Variants in MDH1 observed in about 807,000 individuals in gnomAD.
The protein encoded by MDH1 is malate dehydrogenase, cytoplasmic.
MDH1 carries 15 observed loss-of-function variants against 38.7 expected under a neutral mutation model. That is an observed-to-expected ratio of 0.39 (90% CI 0.26 to 0.60). The LOEUF (loss-of-function observed/expected upper bound fraction) is 0.60. Among genes scored for constraint, MDH1 ranks in the 20% least tolerant of loss-of-function variants. The pLI is 0.56. For missense variants in MDH1, 368 were observed against 405.2 expected, an observed-to-expected ratio of 0.91 and a Z score of 0.79; for synonymous variants, 144 against 143.6, an observed-to-expected ratio of 1.00 and a Z score of -0.02.
intron 5 of MDH1, chr2:63,600,120 G>A (rs1368506296): frequency 6.6e-6 from 1 of 151,804 alleles, no homozygotes; most frequent in Non-Finnish European, 1.5e-5. Flanking sequence ...AAAAAAAATT[G>A]TTGTTAACCA....
At chr2:63,605,866 T>G in intron 7 of MDH1, 73 bp from the exon 8 acceptor site, 1 of 1,243,596 alleles carries the variant, frequency 8.0e-7, no homozygotes, top group Non-Finnish European at 1.2e-6. Flanking sequence ...GGTCACCTGG[T>G]TTAATTTTAT....
At position 63,606,189 on chromosome 2, in the gene MDH1, C is replaced by T. The variant is rs569191376; in HGVS notation, c.879+161C>T. On this transcript the variant is annotated intron_variant, in intron 8 of 8. Transcript: ENST00000233114. The stretch of plus-strand genomic sequence containing the variant: ...TTGAGCCCAGGAGTTCAAGACCAGC[C>T]GGGGCAACATAGTGAGACCCCCTCT... Among the ~76,000 whole-genome samples the T allele has an allele frequency of 5.9e-5, 9 of 152,228 alleles. No individual in the cohort carries two copies. In the East Asian group the frequency reaches 9.6e-4, roughly 16 times the overall value.
chr2:63,594,385 A>C, intron 1 of MDH1, 103 bp from the exon 2 acceptor site: 1 of 913,412 alleles, frequency 1.1e-6, no homozygotes, highest in Non-Finnish European at 1.8e-6. Context: ...AAAATTTTAC[A>C]TTCACTTTTA....
chr2:63,599,223 AG>A lies in MDH1; in HGVS notation c.430del (p.Ala144LeufsTer12). On this transcript the variant is annotated frameshift_variant, in exon 5 of 9. Transcript: ENST00000233114. LOFTEE classifies it high-confidence loss of function. ...CCAACTGCCTGACTGCTTCCAAGTC[AG>A]CTCCATCCATCCCCAAGGAGAACTT... ...NTNCLTASKS[A>X]PSIPKENFSC... 6.2e-7 allele frequency: 1 copy of A among 1,613,816 alleles called. No homozygotes were observed. Among genetic ancestry groups the A allele is most frequent in the Non-Finnish European group, 8.5e-7 (1 of 1,179,778 alleles).
At position 63,607,071 on chromosome 2, in the gene MDH1, A is replaced by G. The variant is rs1709547577; in HGVS notation, c.*84A>G. ...TCAAGTACCAAATAATAATAATGCT[A>G]TACTTAAATTACTTGTGAAAAACAA... is the stretch of plus-strand genomic sequence containing the variant. On this transcript the variant is annotated 3_prime_UTR_variant, in exon 9 of 9. Coordinates refer to ENST00000233114, the MANE Select transcript of MDH1 (RefSeq NM_005917.4). The G allele has an allele frequency of 2.3e-6, 3 of 1,321,326 alleles. No homozygotes were observed. Among genetic ancestry groups the G allele is most frequent in the East Asian group, 2.4e-5 (1 of 41,002 alleles). The allele number at this position is 1,321,326 out of a possible 1,614,324, so 81.9% of individuals were successfully genotyped here. A position where few individuals can be genotyped will look rare whatever the true frequency, so the allele number is the denominator to read the frequency against.
chr2:63,594,307 G>A (rs1344941466), intron 1 of MDH1, 181 bp from the exon 2 acceptor site: 2 of 709,548 alleles, frequency 2.8e-6, no homozygotes, highest in East Asian at 5.5e-5. Flanking sequence ...TACATGGTGA[G>A]AGTTAAATAA....
chr2:63,605,495 C>A, intron 7 of MDH1, 102 bp downstream of exon 7: 1 of 819,486 alleles, frequency 1.2e-6, no homozygotes, highest in Admixed American at 2.5e-5. Flanking sequence ...AGGTTAGGTT[C>A]ATTTCTCAGC....
Position 63,597,500 on chromosome 2 carries a change from T to A in MDH1, c.301T>A (p.Leu101Ile). 1 of 1,524,120 alleles carries A rather than the reference T, an allele frequency of 6.6e-7. No individual in the cohort carries two copies. The highest frequency in any genetic ancestry group is 8.9e-7 in the Non-Finnish European group (1 of 1,128,838). The allele number at this position is 1,524,120 out of a possible 1,614,324, so 94.4% of individuals were successfully genotyped here. Reference sequence around the variant, plus strand: ...AAGGGAAGGCATGGAGAGAAAAGATTTACTGAAAGCAAATGTGAAAATCTT... The same window carrying A: ...AAGGGAAGGCATGGAGAGAAAAGATATACTGAAAGCAAATGTGAAAATCTT... ...PRREGMERKDLLKANVKIFKS... is the reference protein window; with the variant it reads ...PRREGMERKDILKANVKIFKS... The change falls in exon 4 of 9, where the codon TTA (leucine) becomes ATA (isoleucine). Residue 101 changes from leucine (L) to isoleucine (I), a missense_variant. Coordinates refer to ENST00000233114, the MANE Select transcript of MDH1 (RefSeq NM_005917.4).
chr2:63,595,951 C>G (rs1343970176), intron 3 of MDH1, among the ~76,000 whole-genome samples: 1 of 152,244 alleles, frequency 6.6e-6, no homozygotes, highest in Middle Eastern at 3.4e-3. Context: ...CTATACATTG[C>G]TCTGGAAGTT....
chr2:63,600,432 T>C (rs540750621), intron 5 of MDH1, among the ~76,000 whole-genome samples: 1 of 152,338 alleles, frequency 6.6e-6, no homozygotes, highest in Non-Finnish European at 1.5e-5. Context: ...CCCTTATGTA[T>C]GTTCTTACCT....
Position 63,599,163 on chromosome 2 carries a change from C to G in MDH1, c.376-7C>G, listed in dbSNP as rs1250567976. 3.1e-6 allele frequency: 5 copies of G among 1,612,798 alleles called. No homozygotes were observed. The African/African-American group carries it at 5.3e-5, about 17-fold the overall frequency. On this transcript the variant is annotated splice_region_variant and splice_polypyrimidine_tract_variant and intron_variant, in intron 4 of 8. Coordinates refer to ENST00000233114, the MANE Select transcript of MDH1 (RefSeq NM_005917.4). Reference sequence around the variant, plus strand: ...TGTAACTCTTCAGTGCCTTCCATTCCTCCTAGGTTATTGTTGTGGGTAATC... The same window carrying G: ...TGTAACTCTTCAGTGCCTTCCATTCGTCCTAGGTTATTGTTGTGGGTAATC...
chr2:63,603,610 C>G (rs1709470335), intron 5 of MDH1, among the ~76,000 whole-genome samples: 1 of 148,530 alleles, frequency 6.7e-6, no homozygotes, highest in Non-Finnish European at 1.5e-5. Flanking sequence ...ACTTATCAGA[C>G]AAATAACAAG....
intron 5 of MDH1, among the ~76,000 whole-genome samples, chr2:63,603,509 C>T (rs964327102): frequency 6.6e-6 from 1 of 152,124 alleles, no homozygotes; most frequent in Non-Finnish European, 1.5e-5. Flanking sequence ...AAATATTTTT[C>T]CACATTCCCT....
chr2:63,597,536 G>C lies in MDH1; in HGVS notation c.337G>C (p.Gly113Arg). 6.8e-7 allele frequency: 1 copy of C among 1,480,672 alleles called. No individual in the cohort carries two copies. The highest frequency in any genetic ancestry group is 9.0e-7 in the Non-Finnish European group (1 of 1,105,896). The allele number at this position is 1,480,672 out of a possible 1,614,324, so 91.7% of individuals were successfully genotyped here. The change falls in exon 4 of 9, where the codon GGT (glycine) becomes CGT (arginine). Residue 113 changes from glycine (G) to arginine (R), a missense_variant. Gly to Arg is a moderately radical substitution (Grantham distance 125). Coordinates refer to ENST00000233114, the MANE Select transcript of MDH1 (RefSeq NM_005917.4). ...KANVKIFKSQ[G>R]AALDKYAKKS... is the part of the protein sequence containing the mutation. ...AAATGTGAAAATCTTCAAATCCCAG[G>C]GTGCAGCCTTAGATAAATACGCCAA...
intron 1 of MDH1, among the ~76,000 whole-genome samples, chr2:63,589,684 G>A (rs1458931642): frequency 3.3e-5 from 5 of 152,186 alleles, no homozygotes; most frequent in Non-Finnish European, 7.3e-5. Flanking sequence ...TGTATATTGT[G>A]AATTCCAGAA....
At chr2:63,591,577 G>C (rs1276427360) in intron 1 of MDH1, among the ~76,000 whole-genome samples, 1 of 152,198 alleles carries the variant, frequency 6.6e-6, no homozygotes, top group Non-Finnish European at 1.5e-5. Context: ...TTAATAGATA[G>C]TGATCTTCAC....
chr2:63,599,117 T>A (rs191978512), intron 4 of MDH1, 53 bp from the exon 5 acceptor site: 33 of 1,553,142 alleles, frequency 2.1e-5, no homozygotes, highest in Non-Finnish European at 1.7e-5. Context: ...TTAACATAGA[T>A]TAGTTAGTAA....
chr2:63,606,925 C>G lies in MDH1; in HGVS notation c.943C>G (p.Leu315Val). The G allele has an allele frequency of 6.2e-7, 1 of 1,612,694 alleles. No individual in the cohort carries two copies. The highest frequency in any genetic ancestry group is 8.5e-7 in the Non-Finnish European group (1 of 1,179,024). ...TGATTTCTCACGTGAGAAGATGGAT[C>G]TTACTGCAAAGGAACTGACAGAAGA... is the stretch of plus-strand genomic sequence containing the variant. ...INDFSREKMD[L>V]TAKELTEEKE... Residue 315 changes from leucine to valine, a missense_variant, in exon 9 of 9, where the codon CTT becomes GTT. Coordinates refer to ENST00000233114, the MANE Select transcript of MDH1 (RefSeq NM_005917.4).
chr2:63,597,170 CATTT>C (rs1709329931), intron 3 of MDH1: 1 of 543,112 alleles, frequency 1.8e-6, no homozygotes, highest in Non-Finnish European at 2.3e-6. Context: ...GGAGTTTTGA[CATTT>C]AAGTAATTAT....
Sources: allele counts gnomAD v4.1 joint callset (sites outside exome capture counted in the v4.1 genomes callset), GRCh38; gene constraint gnomAD v4.1.1; transcripts MANE v1.5; gene names NCBI Gene and HGNC (gene_info 2026-07-23, HGNC 2026-07-21).